Variants in FAM47E observed in about 807,000 individuals in gnomAD.
The protein encoded by FAM47E is protein FAM47E.
In FAM47E, 32 loss-of-function variants were observed where a neutral mutation model predicts 41.6. The observed-to-expected ratio is 0.77, with a 90% CI of 0.58 to 1.03. The LOEUF is 1.03. Ranked by LOEUF, FAM47E falls within the 50% of genes least tolerant of loss-of-function variation. The probability of loss-of-function intolerance (pLI) is 0.00; values close to 1 mark genes in which losing one functional copy is unlikely to be tolerated. For missense variants in FAM47E, 424 were observed against 485.4 expected (o/e 0.87, Z 1.19); for synonymous variants, 184 against 188.7 (o/e 0.98, Z 0.20).
intron 3 of FAM47E, among the ~76,000 whole-genome samples, chr4:76,265,003 G>C (rs1224019676): frequency 2.6e-5 from 4 of 152,236 alleles, no homozygotes; most frequent in African/African-American, 9.6e-5. Flanking sequence ...AGTGTGGACT[G>C]TGGTCAGTGT....
At chr4:76,245,035 A>G (rs1336628615) in intron 2 of FAM47E, among the ~76,000 whole-genome samples, 1 of 152,170 alleles carries the variant, frequency 6.6e-6, no homozygotes, top group Non-Finnish European at 1.5e-5. Flanking sequence ...ATGCCTAATT[A>G]TCCATCCATT....
chr4:76,275,348 G>T (rs1034842567), intron 5 of FAM47E, among the ~76,000 whole-genome samples: 1 of 152,134 alleles, frequency 6.6e-6, no homozygotes, highest in Non-Finnish European at 1.5e-5. Context: ...CTTCTAGGTC[G>T]CTTGGTTGAC....
At chr4:76,263,555 C>T (rs1267211454) in intron 2 of FAM47E, 149 bp from the exon 3 acceptor site, 1 of 849,680 alleles carries the variant, frequency 1.2e-6, no homozygotes, top group African/African-American at 1.7e-5. Flanking sequence ...CCATAGCACC[C>T]AGCATAATAC....
intron 2 of FAM47E, among the ~76,000 whole-genome samples, chr4:76,233,417 T>G (rs1184413236): frequency 6.6e-6 from 1 of 152,194 alleles, no homozygotes; most frequent in African/African-American, 2.4e-5. Context: ...TGACATCTGT[T>G]TTTACCAATA....
At chr4:76,262,459 C>A (rs573003674) in intron 2 of FAM47E, among the ~76,000 whole-genome samples, 1 of 152,122 alleles carries the variant, frequency 6.6e-6, no homozygotes, top group Admixed American at 6.5e-5. Context: ...TTATTTTTTA[C>A]AATTCACTAT....
At chr4:76,263,921 C>T in intron 3 of FAM47E, 78 bp downstream of exon 3, 1 of 1,499,750 alleles carries the variant, frequency 6.7e-7, no homozygotes, top group Non-Finnish European at 8.9e-7. Flanking sequence ...TAAAACTTCT[C>T]ATCTTTAGAA....
chr4:76,258,059 CAA>C (rs1362329944), intron 2 of FAM47E, among the ~76,000 whole-genome samples: 5 of 152,172 alleles, frequency 3.3e-5, no homozygotes, highest in African/African-American at 1.2e-4. Context: ...GAGTCCATGA[CAA>C]AGAGATTGAT....
chr4:76,276,037 G>GACAGACAGACACACACACAC (rs1553957135), intron 5 of FAM47E, among the ~76,000 whole-genome samples: 2 of 62,348 alleles, frequency 3.2e-5, no homozygotes, highest in African/African-American at 1.3e-4. Flanking sequence ...CAGACAGACA[G>GACAGACAGACACACACACAC]ACACACACAC....
chr4:76,235,283 A>C (rs1369105747), intron 2 of FAM47E, among the ~76,000 whole-genome samples: 1 of 152,222 alleles, frequency 6.6e-6, no homozygotes, highest in Non-Finnish European at 1.5e-5. Flanking sequence ...GCACCGCTGC[A>C]CTCCAGCCTG....
intron 2 of FAM47E, among the ~76,000 whole-genome samples, chr4:76,226,775 T>C (rs1324448896): frequency 6.6e-6 from 1 of 152,246 alleles, no homozygotes; most frequent in Non-Finnish European, 1.5e-5. Context: ...TCCAGGAATT[T>C]ATTCATCTTC....
In FAM47E at chr4:76,256,401, G is replaced by A. The variant is rs185236158; in HGVS notation, c.298G>A (p.Val100Met). 12 of 1,552,234 alleles carry A rather than the reference G, an allele frequency of 7.7e-6. No individual in the cohort carries two copies. The highest frequency in any genetic ancestry group is 1.7e-4 in the Middle Eastern group (1 of 5,992). ...GATCAAGCTGCTCAAGGAAGCAGAC[G>A]TGCTTTCCAAGCTCTCGCCAGCCCA... ...RQIKLLKEADVLSKLSPAQQA... is the reference protein window; with the variant it reads ...RQIKLLKEADMLSKLSPAQQA... Residue 100 changes from valine (V) to methionine (M), a missense_variant, in exon 2 of 8, where the codon GTG becomes ATG. Coordinates refer to ENST00000424749, the MANE Select transcript of FAM47E (RefSeq NM_001136570.3).
At chr4:76,233,139 T>G (rs1733521384) in intron 2 of FAM47E, among the ~76,000 whole-genome samples, 1 of 152,242 alleles carries the variant, frequency 6.6e-6, no homozygotes, top group Admixed American at 6.5e-5. Flanking sequence ...CTATTTCCAG[T>G]AGTCTCAATT....
At chr4:76,217,010 A>C (rs755311279) in intron 1 of FAM47E, among the ~76,000 whole-genome samples, 1 of 152,160 alleles carries the variant, frequency 6.6e-6, no homozygotes, top group Non-Finnish European at 1.5e-5. Context: ...CTATGTTCAG[A>C]AGCTTTTGAC....
intron 3 of FAM47E, chr4:76,267,420 G>A (rs1734686150): frequency 1.3e-5 from 2 of 152,184 alleles, no homozygotes; most frequent in Non-Finnish European, 2.9e-5. Flanking sequence ...TCACAGAACT[G>A]AGAGAAGGCC....
intron 5 of FAM47E, 23 bp from the exon 6 acceptor site, chr4:76,278,046 G>A: frequency 6.9e-7 from 1 of 1,457,716 alleles, no homozygotes; most frequent in African/African-American, 1.4e-5. Flanking sequence ...CAATGGCACT[G>A]GGAATTATGT....
chr4:76,253,611 C>A (rs1734063749), intron 1 of FAM47E, among the ~76,000 whole-genome samples: 1 of 152,072 alleles, frequency 6.6e-6, no homozygotes, highest in Non-Finnish European at 1.5e-5. Context: ...GGTTGCCTTA[C>A]TCTCCTCTTG....
At chr4:76,252,373 C>G (rs1470764476) in intron 1 of FAM47E, among the ~76,000 whole-genome samples, 1 of 152,124 alleles carries the variant, frequency 6.6e-6, no homozygotes. Flanking sequence ...CCTTTACCGA[C>G]TCCTTGACAA....
At chr4:76,222,033 A>C (rs1173735026) in intron 2 of FAM47E, among the ~76,000 whole-genome samples, 1 of 152,244 alleles carries the variant, frequency 6.6e-6, no homozygotes. Context: ...TAATATCTCT[A>C]TATGAAACAA....
chr4:76,251,204 G>C (rs1733952971), upstream of FAM47E, among the ~76,000 whole-genome samples: 1 of 152,110 alleles, frequency 6.6e-6, no homozygotes, highest in South Asian at 2.1e-4. Flanking sequence ...AATCAACACA[G>C]GAGCTGGAAG....
Sources: gnomAD v4.1 joint callset for allele counts (sites outside exome capture counted in the v4.1 genomes callset) on GRCh38, gnomAD v4.1.1 for gene constraint, MANE v1.5 for transcripts, NCBI Gene and HGNC (gene_info 2026-07-23, HGNC 2026-07-21) for gene names.